Variants in TMPRSS6 observed in about 807,000 individuals in gnomAD.
TMPRSS6 encodes the protein transmembrane serine protease 6.
A neutral mutation model predicts 101.5 loss-of-function variants in TMPRSS6; 67 were observed. The ratio of observed to expected loss-of-function variants is 0.66; its 90% CI spans 0.54 to 0.81. TMPRSS6 has a LOEUF of 0.81. TMPRSS6 is among the 30% of genes least tolerant of loss of function. The probability of loss-of-function intolerance (pLI) is 0.00; values close to 1 mark genes in which losing one functional copy is unlikely to be tolerated. For missense variants in TMPRSS6, 1,034 were observed against 1,088.7 expected, an observed-to-expected ratio of 0.95 and a Z score of 0.71; for synonymous variants, 453 against 464.9, an observed-to-expected ratio of 0.97 and a Z score of 0.33.
intron 15 of TMPRSS6, 149 bp downstream of exon 15, chr22:37,070,335 C>T: frequency 9.8e-7 from 1 of 1,025,396 alleles, no homozygotes; most frequent in Non-Finnish European, 1.5e-6. Context: ...CCTGGTGGAG[C>T]CAGGACTAGA....
chr22:37,098,378 C>T, intron 3 of TMPRSS6, 38 bp downstream of exon 3: 2 of 1,613,958 alleles, frequency 1.2e-6, no homozygotes, highest in Non-Finnish European at 8.5e-7. Flanking sequence ...TTTTCACCCC[C>T]ATATTCCCTC....
At chr22:37,108,865 A>C (rs1009140501) in intron 1 of TMPRSS6, among the ~76,000 whole-genome samples, 1 of 152,196 alleles carries the variant, frequency 6.6e-6, no homozygotes, top group Non-Finnish European at 1.5e-5. Flanking sequence ...TAGGCCCTAG[A>C]GTCCTGAGAG....
At chr22:37,105,419 G>C (rs922428834) in intron 1 of TMPRSS6, among the ~76,000 whole-genome samples, 1 of 152,248 alleles carries the variant, frequency 6.6e-6, no homozygotes, top group African/African-American at 2.4e-5. Context: ...AGCATCCCTA[G>C]TGAGAAACAG....
At chr22:37,100,392 G>A (rs556731477) in intron 2 of TMPRSS6, among the ~76,000 whole-genome samples, 7 of 148,602 alleles carry the variant, frequency 4.7e-5, no homozygotes, top group Admixed American at 2.7e-4. Context: ...CACGCCTGCA[G>A]GGCTCCAGGG....
At chr22:37,100,470 G>A (rs560988779) in intron 2 of TMPRSS6, among the ~76,000 whole-genome samples, 39 of 152,352 alleles carry the variant, frequency 2.6e-4, no homozygotes, top group African/African-American at 9.1e-4. Context: ...AGTGATTGGC[G>A]TCAGCTGCTT....
chr22:37,086,413 G>C lies in TMPRSS6; in HGVS notation c.843C>G (p.Tyr281Ter). 1 of 1,583,454 alleles carries C rather than the reference G, an allele frequency of 6.3e-7. No individual in the cohort carries two copies. The highest frequency in any genetic ancestry group is 8.6e-7 in the Non-Finnish European group (1 of 1,164,738). ...PLEKRLITSV[Y>*]GCSRQEPVVE... ...CCACGGGCTCCTGGCGGCTGCAGCCGTACACCCTGGCAGAACAGAAAGGTG... is the reference window on the plus strand; with the variant it reads ...CCACGGGCTCCTGGCGGCTGCAGCCCTACACCCTGGCAGAACAGAAAGGTG... Residue 281 changes from tyrosine (Y) to a stop codon, truncating the protein, a stop_gained, in exon 8 of 18, where the codon TAC becomes TAG. Transcript: ENST00000676104. LOFTEE classifies it high-confidence loss of function.
At position 37,069,035 on chromosome 22, in the gene TMPRSS6, TCTCCCTCCGC is replaced by T; in HGVS notation, c.2113+28_2113+37del. 2.0e-6 allele frequency: 3 copies of T among 1,533,398 alleles called. No homozygotes were observed. The highest frequency in any genetic ancestry group is 8.7e-7 in the Non-Finnish European group (1 of 1,146,264). The allele number at this position is 1,533,398 out of a possible 1,614,324, so 95.0% of individuals were successfully genotyped here. A position where few individuals can be genotyped will look rare whatever the true frequency, so the allele number is the denominator to read the frequency against. ...GGTGTTACGGCGCAGATCCGCACGG[TCTCCCTCCGC>T]CTCCCGCCGCAAGTCCCCGCTGCTC... On this transcript the variant is annotated intron_variant, in intron 16 of 17. Transcript: ENST00000676104. The surrounding 1 kb of genome is among the most constrained non-coding windows in gnomAD (Gnocchi z 4.8).
In TMPRSS6 at chr22:37,066,808, C is replaced by T; in HGVS notation, c.2250+18G>A. The T allele has an allele frequency of 6.2e-7, 1 of 1,614,156 alleles. No homozygotes were observed. ...TCCTTTCTCCCTCCTCTCTCCCTCC[C>T]ATGCCCGGGGGACTCACCTGACAGG... On this transcript the variant is annotated intron_variant, in intron 17 of 17. Coordinates refer to ENST00000676104, the MANE Select transcript of TMPRSS6 (RefSeq NM_001374504.1).
intron 1 of TMPRSS6, among the ~76,000 whole-genome samples, chr22:37,106,552 A>G (rs1200604396): frequency 1.3e-5 from 2 of 152,092 alleles, no homozygotes; most frequent in African/African-American, 4.8e-5. Flanking sequence ...AGTAGTGGGA[A>G]ATTAATTCCC....
chr22:37,096,584 G>A (rs1929780925), intron 4 of TMPRSS6, 64 bp downstream of exon 4: 6 of 1,513,564 alleles, frequency 4.0e-6, no homozygotes, highest in Non-Finnish European at 5.4e-6. Context: ...AGCCTACAGA[G>A]GCCCCTCCCA....
intron 6 of TMPRSS6, among the ~76,000 whole-genome samples, chr22:37,090,760 C>T (rs1018469095): frequency 6.6e-6 from 1 of 151,812 alleles, no homozygotes; most frequent in Admixed American, 6.5e-5. Context: ...GCAGGGCCGC[C>T]AGCAGAGGCT....
At chr22:37,092,516 T>A (rs1448827227) in intron 6 of TMPRSS6, among the ~76,000 whole-genome samples, 1 of 150,904 alleles carries the variant, frequency 6.6e-6, no homozygotes, top group Non-Finnish European at 1.5e-5. Context: ...ATTTTTTTTT[T>A]AATGGAATTT....
chr22:37,102,594 G>A (rs1242842249), intron 2 of TMPRSS6, among the ~76,000 whole-genome samples: 4 of 152,198 alleles, frequency 2.6e-5, no homozygotes, highest in Non-Finnish European at 4.4e-5. Context: ...CGGGCACCAG[G>A]GGACTGACTG....
chr22:37,075,000 TACACACAC>T (rs111225958), intron 11 of TMPRSS6, 127 bp downstream of exon 11: 12 of 1,412,342 alleles, frequency 8.5e-6, no homozygotes, highest in African/African-American at 1.4e-5. Flanking sequence ...TGCAAGCACA[TACACACAC>T]ACACACACTC....
chr22:37,068,745 G>A (rs1926569283), intron 16 of TMPRSS6: 1 of 773,524 alleles, frequency 1.3e-6, no homozygotes, highest in African/African-American at 1.7e-5. Flanking sequence ...GAAAGTGCTA[G>A]TAATTAAGAG....
intron 10 of TMPRSS6, among the ~76,000 whole-genome samples, chr22:37,075,998 AG>A (rs1282748404): frequency 1.3e-5 from 2 of 149,114 alleles, no homozygotes; most frequent in Non-Finnish European, 2.9e-5. Flanking sequence ...AGAGAAAGAA[AG>A]GAAGAAAGAA....
chr22:37,071,886 A>T (rs1740523777), intron 13 of TMPRSS6, among the ~76,000 whole-genome samples: 1 of 151,944 alleles, frequency 6.6e-6, no homozygotes, highest in African/African-American at 2.4e-5. Context: ...AGATCAGTGG[A>T]TGGGTGGATG....
At chr22:37,080,907 G>A (rs1046589397) in intron 10 of TMPRSS6, among the ~76,000 whole-genome samples, 3 of 152,268 alleles carry the variant, frequency 2.0e-5, no homozygotes, top group South Asian at 2.1e-4. Context: ...AATCGCACAC[G>A]TGGACCACAC....
At position 37,070,486 on chromosome 22, in the gene TMPRSS6, GTCC is replaced by G. The variant is rs1379889097; in HGVS notation, c.1836_1838del (p.Glu612del). The G allele has an allele frequency of 1.2e-6, 2 of 1,613,442 alleles. No homozygotes were observed. The highest frequency in any genetic ancestry group is 1.1e-5 in the South Asian group (1 of 91,088). ...GGCCCCCACACCCTCCCGCTCACCTGTCCTCCTGGAAGCAGTGGGCAGCTGTTA... is the reference window on the plus strand; with the variant it reads ...GGCCCCCACACCCTCCCGCTCACCTGTCCTGGAAGCAGTGGGCAGCTGTTA... On this transcript the variant is annotated inframe_deletion, in exon 15 of 18. Transcript: ENST00000676104.
Sources: gnomAD v4.1 joint callset for allele counts (sites outside exome capture counted in the v4.1 genomes callset) on GRCh38, gnomAD v4.1.1 for gene constraint, Gnocchi (gnomAD v3.1) non-coding constraint, MANE v1.5 for transcripts, NCBI Gene and HGNC (gene_info 2026-07-23, HGNC 2026-07-21) for gene names.